Variants in WDPCP observed in about 807,000 individuals in gnomAD.
The protein encoded by WDPCP is WD repeat-containing and planar cell polarity effector protein fritz homolog.
WDPCP carries 71 observed loss-of-function variants against 93.1 expected under a neutral mutation model. The ratio of observed to expected loss-of-function variants is 0.76; its 90% confidence interval spans 0.63 to 0.93. The LOEUF is 0.93. Ranked by LOEUF, WDPCP falls within the 40% of genes least tolerant of loss-of-function variation. The probability of loss-of-function intolerance (pLI) is 0.00; values close to 1 mark genes in which losing one functional copy is unlikely to be tolerated. For synonymous variants in WDPCP, 315 were observed against 315.0 expected, an observed-to-expected ratio of 1.00 and a Z score of 0.00; for missense variants, 844 against 887.4, an observed-to-expected ratio of 0.95 and a Z score of 0.62.
intron 14 of WDPCP, chr2:63,229,400 G>A (rs1202951271): frequency 6.6e-6 from 1 of 152,020 alleles, no homozygotes; most frequent in Admixed American, 6.6e-5. Context: ...CCACTCTGAT[G>A]GTAGTTTCTT....
chr2:63,291,959 C>T (rs558182678), intron 13 of WDPCP, among the ~76,000 whole-genome samples: 1 of 151,204 alleles, frequency 6.6e-6, no homozygotes, highest in African/African-American at 2.4e-5. Flanking sequence ...CGTTGAAACC[C>T]CGTCTGTACT....
chr2:63,595,626 A>G, intron 3 of WDPCP: 1 of 692,172 alleles, frequency 1.4e-6, no homozygotes, highest in East Asian at 2.7e-5. Context: ...TCATAAGAGG[A>G]TTTTTTTATT....
At chr2:63,318,317 G>A (rs1686817358) in intron 12 of WDPCP, among the ~76,000 whole-genome samples, 1 of 152,142 alleles carries the variant, frequency 6.6e-6, no homozygotes, top group Non-Finnish European at 1.5e-5. Flanking sequence ...CACCCCTACT[G>A]GCAATGTAAA....
intron 9 of WDPCP, among the ~76,000 whole-genome samples, chr2:63,409,160 C>T (rs1475159208): frequency 2.0e-5 from 3 of 152,192 alleles, no homozygotes; most frequent in Non-Finnish European, 4.4e-5. Context: ...TCCCCCACCA[C>T]CTCCACCAGG....
chr2:63,475,605 C>G (rs2105850094), intron 6 of WDPCP, among the ~76,000 whole-genome samples: 1 of 152,126 alleles, frequency 6.6e-6, no homozygotes, highest in Admixed American at 6.5e-5. Flanking sequence ...CAACAAATGC[C>G]TGTTGATAGA....
intron 2 of WDPCP, among the ~76,000 whole-genome samples, chr2:63,655,191 C>T (rs894026073): frequency 2.6e-5 from 4 of 152,180 alleles, no homozygotes; most frequent in Non-Finnish European, 5.9e-5. Context: ...AAGTGTGGCT[C>T]ATAACCCAGA....
At chr2:63,793,748 T>C (rs1448371482) in intron 2 of WDPCP, among the ~76,000 whole-genome samples, 1 of 152,128 alleles carries the variant, frequency 6.6e-6, no homozygotes, top group African/African-American at 2.4e-5. Context: ...TAATGTGAAA[T>C]GTTTATTCTT....
intron 2 of WDPCP, among the ~76,000 whole-genome samples, chr2:63,692,711 A>G (rs1263760466): frequency 6.6e-6 from 1 of 152,254 alleles, no homozygotes; most frequent in Non-Finnish European, 1.5e-5. Flanking sequence ...AATATAGAAT[A>G]TAAGCTTCAT....
chr2:63,633,109 A>C (rs906789391), intron 3 of WDPCP, among the ~76,000 whole-genome samples: 2 of 152,196 alleles, frequency 1.3e-5, no homozygotes. Context: ...CCAATCAAAA[A>C]TATTTTACCC....
intron 17 of WDPCP, among the ~76,000 whole-genome samples, chr2:63,133,240 TC>T (rs1670402710): frequency 6.6e-6 from 1 of 152,166 alleles, no homozygotes; most frequent in Non-Finnish European, 1.5e-5. Context: ...CCACCTATAA[TC>T]TTTTGCCCCA....
chr2:63,714,195 A>T (rs1277171819), intron 2 of WDPCP, among the ~76,000 whole-genome samples: 1 of 151,030 alleles, frequency 6.6e-6, no homozygotes, highest in East Asian at 2.0e-4. Context: ...AGCTGGGATT[A>T]TAGGTACCCG....
chr2:63,239,274 C>T (rs571190717), intron 14 of WDPCP, among the ~76,000 whole-genome samples: 5 of 152,078 alleles, frequency 3.3e-5, no homozygotes, highest in Admixed American at 2.6e-4. Context: ...AGTGCAGTGG[C>T]GTGATCTCTG....
chr2:63,296,840 T>C (rs1684903092), intron 13 of WDPCP, among the ~76,000 whole-genome samples: 1 of 152,064 alleles, frequency 6.6e-6, no homozygotes. Context: ...ATTTGAAAAA[T>C]CAGTATTGTT....
chr2:63,417,561 A>G (rs1335821050), intron 9 of WDPCP, among the ~76,000 whole-genome samples: 1 of 151,528 alleles, frequency 6.6e-6, no homozygotes, highest in East Asian at 1.9e-4. Context: ...AAATTTGTAT[A>G]CTGCTATGAT....
intron 1 of WDPCP, among the ~76,000 whole-genome samples, chr2:63,547,151 T>C (rs1357754517): frequency 1.3e-5 from 2 of 151,940 alleles, no homozygotes; most frequent in African/African-American, 4.8e-5. Context: ...ATATTAAAAA[T>C]GCTCAACATC....
intron 2 of WDPCP, among the ~76,000 whole-genome samples, chr2:63,785,563 T>G (rs1670454864): frequency 6.6e-6 from 1 of 152,176 alleles, no homozygotes; most frequent in Non-Finnish European, 1.5e-5. Flanking sequence ...GAGGGCCATA[T>G]TTTAGGAAAG....
At chr2:63,133,899 T>C (rs1329479647) in intron 17 of WDPCP, among the ~76,000 whole-genome samples, 1 of 152,192 alleles carries the variant, frequency 6.6e-6, no homozygotes, top group African/African-American at 2.4e-5. Flanking sequence ...CTGTTCGGGA[T>C]GTAGCTTGTT....
chr2:63,799,482 C>CA (rs1349940115), intron 2 of WDPCP, among the ~76,000 whole-genome samples: 1 of 152,174 alleles, frequency 6.6e-6, no homozygotes, highest in Non-Finnish European at 1.5e-5. Flanking sequence ...CTTTCCTTAA[C>CA]ACTAGCCCTG....
chr2:63,193,361 C>G (rs1367120251), intron 14 of WDPCP, among the ~76,000 whole-genome samples: 1 of 152,122 alleles, frequency 6.6e-6, no homozygotes, highest in East Asian at 1.9e-4. Context: ...GAATTACAGC[C>G]AAGTTTCTTA....
Sources: allele counts gnomAD v4.1 joint callset (sites outside exome capture counted in the v4.1 genomes callset), GRCh38; gene constraint gnomAD v4.1.1; transcripts MANE v1.5; gene names NCBI Gene and HGNC (gene_info 2026-07-23, HGNC 2026-07-21).